SPTAN1: variants seen among roughly 807,000 people sequenced by gnomAD.
SPTAN1 encodes the protein spectrin alpha chain, non-erythrocytic 1.
A neutral mutation model predicts 331.3 loss-of-function variants in SPTAN1; 61 were observed. The ratio of observed to expected loss-of-function variants is 0.18; its 90% CI spans 0.15 to 0.23. The LOEUF (loss-of-function observed/expected upper bound fraction) is 0.23. Ranked by LOEUF, SPTAN1 falls within the 10% of genes least tolerant of loss-of-function variation. The pLI, the probability that SPTAN1 is intolerant of heterozygous loss-of-function variation, is 1.00. For synonymous variants in SPTAN1, 1,153 were observed against 1,173.9 expected, an observed-to-expected ratio of 0.98 and a Z score of 0.36; for missense variants, 2,043 against 3,147.9, an observed-to-expected ratio of 0.65 and a Z score of 8.40.
At chr9:128,585,074 G>A (rs1037259807) in intron 18 of SPTAN1, among the ~76,000 whole-genome samples, 1 of 151,108 alleles carries the variant, frequency 6.6e-6, no homozygotes, top group Non-Finnish European at 1.5e-5. Context: ...GAGTGCAGTG[G>A]CGCGGTCTCA....
intron 9 of SPTAN1, among the ~76,000 whole-genome samples, chr9:128,578,761 A>C (rs1851599845): frequency 1.3e-5 from 2 of 150,724 alleles, no homozygotes; most frequent in Middle Eastern, 3.4e-3. Flanking sequence ...CCCGGGAGGC[A>C]GAGGTTGCAG....
intron 45 of SPTAN1, among the ~76,000 whole-genome samples, chr9:128,622,694 T>G (rs560599711): frequency 6.6e-6 from 1 of 152,270 alleles, no homozygotes; most frequent in African/African-American, 2.4e-5. Flanking sequence ...TTTCCACAGG[T>G]GTTAAAGAAT....
rs1055577273 is a variant in SPTAN1 at position 128,589,072 on chromosome 9, A to T, written c.3006+129A>T. ...AGAATTCAAAGACATGAGTTTCCTC[A>T]CCAATCCCCCACGTGACATACATTT... On this transcript the variant is annotated intron_variant, in intron 21 of 56. Transcript: ENST00000372739. 2.3e-6 allele frequency: 3 copies of T among 1,332,206 alleles called. No individual in the cohort carries two copies. The African/African-American group carries it at 4.4e-5, about 19-fold the overall frequency. The allele number at this position is 1,332,206 out of a possible 1,614,324, so 82.5% of individuals were successfully genotyped here. A position where few individuals can be genotyped will look rare whatever the true frequency, so the allele number is the denominator to read the frequency against.
Position 128,584,277 on chromosome 9 carries a change from C to T in SPTAN1, c.2194-5C>T. ...AAAGTCTGCTCTGTCCTTTTGCATTCCCAGGACCGAATTGATGGCATCACC... is the reference window on the plus strand; with the variant it reads ...AAAGTCTGCTCTGTCCTTTTGCATTTCCAGGACCGAATTGATGGCATCACC... On this transcript the variant is annotated splice_region_variant and splice_polypyrimidine_tract_variant and intron_variant, in intron 16 of 56. Transcript: ENST00000372739. 1 of 1,614,194 alleles carries T rather than the reference C, an allele frequency of 6.2e-7. No homozygotes were observed. Among genetic ancestry groups the T allele is most frequent in the African/African-American group, 1.3e-5 (1 of 75,062 alleles).
Position 128,605,525 on chromosome 9 carries a change from G to C in SPTAN1, c.4046+48G>C, listed in dbSNP as rs934055385. On this transcript the variant is annotated intron_variant, in intron 31 of 56. Transcript: ENST00000372739. ...ACTTCTGGAACATAGAGCCTTCTTT[G>C]TAGGGGTCATTTTTATTGTGAAAAT... is the stretch of plus-strand genomic sequence containing the variant. 6 of 1,608,984 alleles carry C rather than the reference G, an allele frequency of 3.7e-6. No homozygotes were observed. In the African/African-American group the frequency reaches 8.0e-5, roughly 22 times the overall value.
Position 128,626,695 on chromosome 9 carries a change from T to A in SPTAN1, c.6576+8T>A, listed in dbSNP as rs1175963517. ...CTACAGAAAATCATCAAGGTACACC[T>A]CCCGCTGCCCTCAGGAGCTGCTCGG... is the stretch of plus-strand genomic sequence containing the variant. On this transcript the variant is annotated splice_region_variant and intron_variant, in intron 49 of 56. Transcript: ENST00000372739. 1 of 1,600,710 alleles carries A rather than the reference T, an allele frequency of 6.2e-7. No homozygotes were observed. The highest frequency in any genetic ancestry group is 8.5e-7 in the Non-Finnish European group (1 of 1,174,730).
At chr9:128,617,257 T>C (rs1284653988) in intron 41 of SPTAN1, among the ~76,000 whole-genome samples, 1 of 151,846 alleles carries the variant, frequency 6.6e-6, no homozygotes, top group African/African-American at 2.4e-5. Flanking sequence ...AAAAAGTGTG[T>C]ATATATGTAT....
intron 45 of SPTAN1, among the ~76,000 whole-genome samples, chr9:128,622,292 G>A (rs948829474): frequency 1.6e-5 from 2 of 127,818 alleles, no homozygotes; most frequent in Non-Finnish European, 3.2e-5. Flanking sequence ...CGAGCCAGCT[G>A]CTTTTTTTTT....
intron 3 of SPTAN1, among the ~76,000 whole-genome samples, chr9:128,569,159 A>C (rs1850374081): frequency 6.6e-6 from 1 of 152,218 alleles, no homozygotes; most frequent in Non-Finnish European, 1.5e-5. Flanking sequence ...GAAAACTGTG[A>C]ATTTAACATT....
At chr9:128,611,934 G>T in intron 38 of SPTAN1, 89 bp downstream of exon 38, 1 of 1,607,878 alleles carries the variant, frequency 6.2e-7, no homozygotes, top group Non-Finnish European at 8.5e-7. Context: ...ACAGTCTTAA[G>T]ACACTAAATG....
At chr9:128,593,762 G>A (rs1401224740) in intron 23 of SPTAN1, 3 of 243,574 alleles carry the variant, frequency 1.2e-5, no homozygotes, top group African/African-American at 6.6e-5. Context: ...CCAGCCTGGG[G>A]GCTCTTCAGA....
chr9:128,612,336 C>T, intron 39 of SPTAN1, 90 bp downstream of exon 39: 1 of 1,521,432 alleles, frequency 6.6e-7, no homozygotes, highest in Non-Finnish European at 9.1e-7. Context: ...CACGAAAAGG[C>T]AGGGCTCACC....
At chr9:128,603,613 T>G (rs748212863) in intron 28 of SPTAN1, 23 bp downstream of exon 28, 1 of 1,614,064 alleles carries the variant, frequency 6.2e-7, no homozygotes, top group Non-Finnish European at 8.5e-7. Flanking sequence ...GACCAGCTCC[T>G]CTGATCTCCC....
chr9:128,598,827 G>C, intron 25 of SPTAN1, 136 bp from the exon 26 acceptor site: 1 of 811,734 alleles, frequency 1.2e-6, no homozygotes, highest in Non-Finnish European at 2.1e-6. Flanking sequence ...TTGAAGCTCT[G>C]CTGGACATTT....
At chr9:128,597,021 G>A (rs1854395620) in intron 24 of SPTAN1, among the ~76,000 whole-genome samples, 1 of 152,264 alleles carries the variant, frequency 6.6e-6, no homozygotes, top group East Asian at 1.9e-4. Context: ...TTAGCTGGGC[G>A]TGGTAGCGCC....
At chr9:128,588,503 G>A (rs983707411) in intron 20 of SPTAN1, among the ~76,000 whole-genome samples, 4 of 151,440 alleles carry the variant, frequency 2.6e-5, no homozygotes, top group African/African-American at 7.3e-5. Context: ...TAGAGATGGG[G>A]TTTCTCCATG....
In SPTAN1 at chr9:128,627,343, C is replaced by T; in HGVS notation, c.6577-43C>T. 2 of 1,525,090 alleles carry T rather than the reference C, an allele frequency of 1.3e-6. No homozygotes were observed. The highest frequency in any genetic ancestry group is 1.8e-6 in the Non-Finnish European group (2 of 1,124,078). 94.5% of individuals were successfully genotyped at this position (1,525,090 alleles called of 1,614,324 possible). A position where few individuals can be genotyped will look rare whatever the true frequency, so the allele number is the denominator to read the frequency against. On this transcript the variant is annotated intron_variant, in intron 49 of 56. Coordinates refer to ENST00000372739, the MANE Select transcript of SPTAN1 (RefSeq NM_001130438.3). This position sits in a 1 kb window ranked among gnomAD's most constrained non-coding sequence, Gnocchi z 4.9. ...ATCTGTGAAGGAGGGGCTGGTGTCA[C>T]TGCCACAGCAGCGCACAGCATCTGC...
intron 40 of SPTAN1, 60 bp downstream of exon 40, chr9:128,613,545 A>G: frequency 7.4e-7 from 1 of 1,354,236 alleles, no homozygotes; most frequent in South Asian, 1.2e-5. Context: ...CCTGACTCCT[A>G]AGGAAAACAA....
At chr9:128,593,970 T>A (rs902286884) in intron 23 of SPTAN1, 2 of 621,030 alleles carry the variant, frequency 3.2e-6, no homozygotes, top group Admixed American at 4.3e-5. Context: ...TTGTGAACAG[T>A]ACAGTGTGCG....
Sources: gnomAD v4.1 joint callset for allele counts (sites outside exome capture counted in the v4.1 genomes callset) on GRCh38, gnomAD v4.1.1 for gene constraint, Gnocchi (gnomAD v3.1) non-coding constraint, MANE v1.5 for transcripts, NCBI Gene and HGNC (gene_info 2026-07-23, HGNC 2026-07-21) for gene names.